Variants in GNE observed in about 807,000 individuals in gnomAD.
GNE encodes the protein glucosamine (UDP-N-acetyl)-2-epimerase/N-acetylmannosamine kinase, also known as bifunctional UDP-N-acetylglucosamine 2-epimerase/N-acetylmannosamine kinase.
GNE carries 41 observed loss-of-function variants against 61.8 expected under a neutral mutation model. That is an observed-to-expected ratio of 0.66 (90% confidence interval 0.52 to 0.86). GNE has a LOEUF of 0.86. Among genes scored for constraint, GNE ranks in the 40% least tolerant of loss-of-function variants. The probability of loss-of-function intolerance (pLI) is 0.00; values close to 1 mark genes in which losing one functional copy is unlikely to be tolerated. For synonymous variants in GNE, 264 were observed against 326.4 expected, an observed-to-expected ratio of 0.81 and a Z score of 2.06; for missense variants, 608 against 909.1, an observed-to-expected ratio of 0.67 and a Z score of 4.26.
intron 3 of GNE, among the ~76,000 whole-genome samples, chr9:36,244,764 C>T (rs573425761): frequency 5.4e-5 from 8 of 147,584 alleles, no homozygotes; most frequent in African/African-American, 1.8e-4. Flanking sequence ...AGTGAAACCC[C>T]GTCTCTACTA....
chr9:36,258,797 T>C (rs190746590), upstream of GNE, among the ~76,000 whole-genome samples: 48 of 152,330 alleles, frequency 3.2e-4, no homozygotes, highest in African/African-American at 1.0e-3. Flanking sequence ...CTTGCGCCTC[T>C]TGTTCCCTCA....
In GNE at chr9:36,233,946, C is replaced by A. The variant is rs1829284237; in HGVS notation, c.956G>T (p.Gly319Val). 6.2e-7 allele frequency: 1 copy of A among 1,613,774 alleles called. No individual in the cohort carries two copies. Among genetic ancestry groups the A allele is most frequent in the Admixed American group, 1.7e-5 (1 of 60,002 alleles). ...TGTTTCTCTTCCAATCTGACGTGTT[C>A]CCAGGTTGATCACAGGTGTTCCAAA... ...GAFGTPVINL[G>V]TRQIGRETGE... The change falls in exon 5 of 12, where the codon GGA (glycine) becomes GTA (valine). Residue 319 changes from glycine to valine, a missense_variant. Physicochemically the swap from Gly to Val is moderately radical, Grantham distance 109. Transcript: ENST00000642385.
At chr9:36,268,341 A>G (rs1830885881) in intron 1 of GNE, among the ~76,000 whole-genome samples, 1 of 152,238 alleles carries the variant, frequency 6.6e-6, no homozygotes, top group Non-Finnish European at 1.5e-5. Flanking sequence ...ATGTTGGATC[A>G]ACACAATTAT....
rs566764865 is a variant in GNE, at chr9:36,232,670, C to A, written c.982+1250G>T. Among the ~76,000 whole-genome samples the A allele has an allele frequency of 2.8e-4, 42 of 152,296 alleles. No homozygotes were observed. In the South Asian group the frequency reaches 7.9e-3, roughly 29 times the overall value. ...CTTAGGTGTCATCTCCTTAAAGAGGCCTTCCTTTAACCAATCTAATGGAGT... is the reference window on the plus strand; with the variant it reads ...CTTAGGTGTCATCTCCTTAAAGAGGACTTCCTTTAACCAATCTAATGGAGT... On this transcript the variant is annotated intron_variant, in intron 5 of 11. Transcript: ENST00000642385.
chr9:36,276,567 CTG>C (rs1831268989), intron 1 of GNE, among the ~76,000 whole-genome samples: 1 of 152,106 alleles, frequency 6.6e-6, no homozygotes, highest in Non-Finnish European at 1.5e-5. Context: ...TGGAAATAAA[CTG>C]TATTTATGAA....
intron 5 of GNE, among the ~76,000 whole-genome samples, chr9:36,231,134 G>A (rs10972803): frequency 0.79 from 117,391 of 147,898 alleles, 47,178 homozygotes; most frequent in African/African-American, 0.85. Flanking sequence ...AATGAAAGAA[G>A]GAAGGAAGGA....
At chr9:36,250,212 G>T (rs115669482) in intron 1 of GNE, among the ~76,000 whole-genome samples, 1,679 of 152,164 alleles carry the variant, frequency 0.011, 32 homozygotes, top group African/African-American at 0.037. Flanking sequence ...AGGAACACAG[G>T]CTATTCACTC....
chr9:36,263,930 A>C (rs1419620577), intron 1 of GNE, among the ~76,000 whole-genome samples: 2 of 151,978 alleles, frequency 1.3e-5, no homozygotes, highest in Non-Finnish European at 2.9e-5. Context: ...AAACATCTGG[A>C]CTGGGGAATA....
At chr9:36,274,982 C>T (rs1329020070) in intron 1 of GNE, among the ~76,000 whole-genome samples, 2 of 152,192 alleles carry the variant, frequency 1.3e-5, no homozygotes, top group East Asian at 3.8e-4. Context: ...ACTCGGCCTC[C>T]CAAAGTGCTG....
chr9:36,219,333 A>T (rs1828478368), intron 10 of GNE, among the ~76,000 whole-genome samples: 1 of 151,948 alleles, frequency 6.6e-6, no homozygotes, highest in African/African-American at 2.4e-5. Flanking sequence ...CCACCTCTTC[A>T]GAACCCTACT....
At chr9:36,237,927 C>T (rs1266585693) in intron 3 of GNE, among the ~76,000 whole-genome samples, 2 of 151,968 alleles carry the variant, frequency 1.3e-5, no homozygotes, top group African/African-American at 4.8e-5. Context: ...TTTTCCATTC[C>T]TGAGTTACTT....
At chr9:36,269,664 CTTT>C (rs71336438) in intron 1 of GNE, among the ~76,000 whole-genome samples, 3 of 134,314 alleles carry the variant, frequency 2.2e-5, no homozygotes. Context: ...TTTCTTCTTT[CTTT>C]TTTTTTTTTT....
intron 1 of GNE, among the ~76,000 whole-genome samples, chr9:36,256,356 T>C (rs1340803749): frequency 6.8e-6 from 1 of 146,664 alleles, no homozygotes; most frequent in Admixed American, 6.9e-5. Context: ...GCGATACTCC[T>C]ATCTCAGCCT....
At chr9:36,232,632 A>AT (rs767275446) in intron 5 of GNE, among the ~76,000 whole-genome samples, 1 of 152,220 alleles carries the variant, frequency 6.6e-6, no homozygotes. Context: ...ACTCCTTGTC[A>AT]TTCAGATTTC....
chr9:36,263,315 CAT>C (rs1045964681), upstream of GNE: 99 of 233,146 alleles, frequency 4.2e-4, no homozygotes, highest in African/African-American at 2.0e-3. Context: ...GGATTACAGA[CAT>C]GTGTCACCGC....
chr9:36,269,377 A>G (rs576662181), intron 1 of GNE, among the ~76,000 whole-genome samples: 1 of 151,724 alleles, frequency 6.6e-6, no homozygotes, highest in South Asian at 2.1e-4. Context: ...ACTTCCATGT[A>G]GGTAATTCCT....
At chr9:36,275,912 C>T (rs1199525184) in intron 1 of GNE, among the ~76,000 whole-genome samples, 1 of 152,178 alleles carries the variant, frequency 6.6e-6, no homozygotes, top group Non-Finnish European at 1.5e-5. Flanking sequence ...GGGCTCAACG[C>T]CTGTAATCTC....
chr9:36,267,490 A>G (rs749965537), intron 1 of GNE, among the ~76,000 whole-genome samples: 27 of 151,816 alleles, frequency 1.8e-4, no homozygotes, highest in Admixed American at 4.6e-4. Flanking sequence ...TGAGGTCAGG[A>G]GTTTGAGACC....
At chr9:36,247,202 G>A (rs1351790185) in intron 2 of GNE, among the ~76,000 whole-genome samples, 1 of 151,954 alleles carries the variant, frequency 6.6e-6, no homozygotes, top group Admixed American at 6.6e-5. Flanking sequence ...GACTACAGGC[G>A]TGTGCCATCA....
Sources: allele counts gnomAD v4.1 joint callset (sites outside exome capture counted in the v4.1 genomes callset), GRCh38; gene constraint gnomAD v4.1.1; transcripts MANE v1.5; gene names NCBI Gene and HGNC (gene_info 2026-07-23, HGNC 2026-07-21).